MRC2: variants seen among roughly 807,000 people sequenced by gnomAD.
MRC2 encodes the protein C-type mannose receptor 2.
In MRC2, 84 loss-of-function variants were observed where a neutral mutation model predicts 206.2. The observed-to-expected ratio is 0.41, with a 90% CI of 0.34 to 0.49. MRC2 has a LOEUF of 0.49. Ranked by LOEUF, MRC2 falls within the 20% of genes least tolerant of loss-of-function variation. MRC2 has a pLI of 0.31. For synonymous variants in MRC2, 798 were observed against 800.0 expected (o/e 1.00, Z 0.04); for missense variants, 1,676 against 2,001.5 (o/e 0.84, Z 3.10).
chr17:62,634,612 T>A (rs7222988), intron 1 of MRC2, among the ~76,000 whole-genome samples: 19,057 of 152,040 alleles, frequency 0.13, 2,456 homozygotes, highest in African/African-American at 0.33. Context: ...AGATCACTTT[T>A]GTCACCTTTT....
intron 1 of MRC2, among the ~76,000 whole-genome samples, chr17:62,639,826 C>T (rs2465418): frequency 0.5 from 75,342 of 151,762 alleles, 20,634 homozygotes; most frequent in East Asian, 0.81. Context: ...GGATTATTTA[C>T]GTAACTTTAA....
intron 1 of MRC2, among the ~76,000 whole-genome samples, chr17:62,633,502 C>CAAAAA (rs999150702): frequency 9.5e-5 from 7 of 73,524 alleles, no homozygotes; most frequent in Non-Finnish European, 1.3e-4. Context: ...GACTCCGTCT[C>CAAAAA]AAAAAAAAAA....
In MRC2 at chr17:62,627,674, CTT is replaced by C; in HGVS notation, c.-128_-127del. ...CCCTCCTCCTCCCCGGGAGGCATCA[CTT>C]CGTCCCGACCCGGAGGAGGACGCGA... On this transcript the variant is annotated 5_prime_UTR_variant, in exon 1 of 30. Coordinates refer to ENST00000303375, the MANE Select transcript of MRC2 (RefSeq NM_006039.5). 1 of 620,000 alleles carries C rather than the reference CTT, an allele frequency of 1.6e-6. No homozygotes were observed. Among genetic ancestry groups the C allele is most frequent in the Non-Finnish European group, 2.4e-6 (1 of 412,482 alleles). 38.4% of individuals were successfully genotyped at this position (620,000 alleles called of 1,614,324 possible). A position where few individuals can be genotyped will look rare whatever the true frequency, so the allele number is the denominator to read the frequency against.
At chr17:62,643,556 A>G (rs2088436385) in intron 1 of MRC2, among the ~76,000 whole-genome samples, 1 of 152,210 alleles carries the variant, frequency 6.6e-6, no homozygotes, top group African/African-American at 2.4e-5. Flanking sequence ...AGAAAAACGC[A>G]GGAACCTGCA....
Position 62,667,151 on chromosome 17 carries a change from G to A in MRC2, c.974-239G>A, listed in dbSNP as rs935983867. Among the ~76,000 whole-genome samples the A allele has an allele frequency of 7.9e-5, 12 of 152,188 alleles. No homozygotes were observed. The highest frequency in any genetic ancestry group is 1.3e-4 in the Non-Finnish European group (9 of 68,024). ...CAGCGCACCCAGCAGCCTGGACGGGGAGGCCGGGGCGGGGCTGGTACTGGT... is the reference window on the plus strand; with the variant it reads ...CAGCGCACCCAGCAGCCTGGACGGGAAGGCCGGGGCGGGGCTGGTACTGGT... On this transcript the variant is annotated intron_variant, in intron 5 of 29. Transcript: ENST00000303375. This position sits in a 1 kb window ranked among gnomAD's most constrained non-coding sequence, Gnocchi z 4.1.
At chr17:62,679,681 A>G (rs2088935991) in intron 13 of MRC2, 119 bp from the exon 14 acceptor site, 2 of 819,572 alleles carry the variant, frequency 2.4e-6, no homozygotes, top group Non-Finnish European at 1.9e-6. Context: ...GCCCAGATGG[A>G]GAGGCCCCAG....
At chr17:62,683,641 A>G (rs1598995455) in intron 20 of MRC2, among the ~76,000 whole-genome samples, 1 of 149,458 alleles carries the variant, frequency 6.7e-6, no homozygotes, top group South Asian at 2.1e-4. Context: ...AGGCAGGAGG[A>G]TGACTTGAGC....
chr17:62,628,177 G>A (rs1002140040), intron 1 of MRC2, among the ~76,000 whole-genome samples: 52 of 152,154 alleles, frequency 3.4e-4, no homozygotes, highest in South Asian at 2.9e-3. Context: ...GGGAGCCCGG[G>A]GGACTCCAGC....
At position 62,679,948 on chromosome 17, in the gene MRC2, T is replaced by C. The variant is rs570408309; in HGVS notation, c.2298+46T>C. On this transcript the variant is annotated intron_variant, in intron 14 of 29. Transcript: ENST00000303375. ...TGGGACTGCGAGGCCGGGAGCTTGG[T>C]GGGCGGGGCCTGTTTGGGGCGGGGC... The C allele has an allele frequency of 3.6e-6, 4 of 1,116,216 alleles. No homozygotes were observed. In the Admixed American group the frequency reaches 9.2e-5, roughly 26 times the overall value. 69.1% of individuals were successfully genotyped at this position (1,116,216 alleles called of 1,614,324 possible).
At position 62,688,926 on chromosome 17, in the gene MRC2, G is replaced by A. The variant is rs2089066426; in HGVS notation, c.3300G>A (p.Glu1100=). Residue 1100 remains glutamate, a synonymous_variant, in exon 23 of 30, where the codon GAG becomes GAA. Transcript: ENST00000303375. ...TGRWDDRSCT[E]ETHGFICQKG... ...GCTGGGACGATCGGAGCTGCACGGA[G>A]GAGACCCATGGCTTCATCTGCCAGA... 1 of 1,613,742 alleles carries A rather than the reference G, an allele frequency of 6.2e-7. No individual in the cohort carries two copies. The highest frequency in any genetic ancestry group is 1.3e-5 in the African/African-American group (1 of 74,940).
At chr17:62,643,743 G>A (rs1268114848) in intron 1 of MRC2, among the ~76,000 whole-genome samples, 3 of 152,124 alleles carry the variant, frequency 2.0e-5, no homozygotes, top group Non-Finnish European at 4.4e-5. Flanking sequence ...TATGTTCAAC[G>A]TAACATTATA....
At chr17:62,632,183 C>T (rs561555599) in intron 1 of MRC2, among the ~76,000 whole-genome samples, 1 of 152,116 alleles carries the variant, frequency 6.6e-6, no homozygotes, top group East Asian at 1.9e-4. Flanking sequence ...GAGGGCTGTC[C>T]AGTGGCACCT....
rs1289949892 is a variant in MRC2 at position 62,691,971 on chromosome 17, C to T, written c.4193-141C>T. 5.4e-6 allele frequency: 6 copies of T among 1,108,054 alleles called. No homozygotes were observed. In the African/African-American group the frequency reaches 6.2e-5, roughly 12 times the overall value. 68.6% of individuals were successfully genotyped at this position (1,108,054 alleles called of 1,614,324 possible). ...CTTGGGCCTGTGCCCCCACAGTAAC[C>T]AGAGGTAGGATGGGAGGGGGAACTA... On this transcript the variant is annotated intron_variant, in intron 28 of 29. Coordinates refer to ENST00000303375, the MANE Select transcript of MRC2 (RefSeq NM_006039.5).
chr17:62,688,443 A>T, intron 21 of MRC2, 40 bp downstream of exon 21: 2 of 1,614,026 alleles, frequency 1.2e-6, no homozygotes, highest in African/African-American at 1.3e-5. Context: ...ATCCTCTGAC[A>T]CTGTCCCCCC....
chr17:62,662,504 T>G lies in MRC2; in HGVS notation c.119-2044T>G, dbSNP rs1266108877. Among the ~76,000 whole-genome samples, 6 of 152,210 alleles carry G rather than the reference T, an allele frequency of 3.9e-5. 1 individual carries two copies. In the South Asian group the frequency reaches 6.2e-4, roughly 16 times the overall value. On this transcript the variant is annotated intron_variant, in intron 1 of 29. Coordinates refer to ENST00000303375, the MANE Select transcript of MRC2 (RefSeq NM_006039.5). ...TTACTGTGCCAGATCCTGTTCCAAA[T>G]GCTTTACATGTATTATCTCATTTCA...
intron 20 of MRC2, 78 bp downstream of exon 20, chr17:62,682,455 T>A (rs983918191): frequency 6.8e-6 from 10 of 1,473,498 alleles, no homozygotes; most frequent in Non-Finnish European, 9.0e-6. Context: ...TCAGGAGTCC[T>A]GGCCTTTTGG....
chr17:62,646,030 T>TTC (rs972274576), intron 1 of MRC2, among the ~76,000 whole-genome samples: 2 of 148,160 alleles, frequency 1.3e-5, no homozygotes, highest in African/African-American at 5.0e-5. Flanking sequence ...TCTATTTTTT[T>TTC]TTTTTTTTTT....
intron 1 of MRC2, among the ~76,000 whole-genome samples, chr17:62,642,037 A>C (rs1417063155): frequency 6.6e-6 from 1 of 152,168 alleles, no homozygotes; most frequent in Non-Finnish European, 1.5e-5. Flanking sequence ...ATAATATCTA[A>C]TCACACCCAA....
intron 8 of MRC2, 112 bp from the exon 9 acceptor site, chr17:62,673,951 A>G: frequency 4.9e-6 from 4 of 822,606 alleles, no homozygotes; most frequent in Non-Finnish European, 7.9e-6. Context: ...ACATGTCAGA[A>G]TCACACAGTA....
Sources: gnomAD v4.1 joint callset for allele counts (sites outside exome capture counted in the v4.1 genomes callset) on GRCh38, gnomAD v4.1.1 for gene constraint, Gnocchi (gnomAD v3.1) non-coding constraint, MANE v1.5 for transcripts, NCBI Gene and HGNC (gene_info 2026-07-23, HGNC 2026-07-21) for gene names.